PCDH17: variants seen among roughly 807,000 people sequenced by gnomAD.
PCDH17 encodes the protein protocadherin 17, also known as protocadherin-17.
A neutral mutation model predicts 67.7 loss-of-function variants in PCDH17; 21 were observed. The ratio of observed to expected loss-of-function variants is 0.31; its 90% CI spans 0.22 to 0.45. The LOEUF (loss-of-function observed/expected upper bound fraction) is 0.45. Ranked by LOEUF, PCDH17 falls within the 20% of genes least tolerant of loss-of-function variation. PCDH17 has a pLI of 1.00. For synonymous variants in PCDH17, 701 were observed against 656.7 expected (o/e 1.07, Z -1.03); for missense variants, 1,471 against 1,564.8 (o/e 0.94, Z 1.01).
chr13:57,636,163 T>G (rs1954820431), intron 1 of PCDH17, among the ~76,000 whole-genome samples: 1 of 152,220 alleles, frequency 6.6e-6, no homozygotes, highest in South Asian at 2.1e-4. Flanking sequence ...GTCTTGTTTC[T>G]TTTACCTACT....
chr13:57,668,635 A>C (rs939111043), intron 3 of PCDH17, among the ~76,000 whole-genome samples: 2 of 152,056 alleles, frequency 1.3e-5, no homozygotes, highest in Non-Finnish European at 2.9e-5. Context: ...AAGTCTAGGG[A>C]AGGTGGCTAT....
rs1283565887 is a variant in PCDH17, at chr13:57,726,024, AAAG to A, written c.*739_*741del. ...CACACGTAGACTAATTCACGTCATT[AAAG>A]AAGAAGAAAACTTAAAGATTTAAAA... On this transcript the variant is annotated 3_prime_UTR_variant, in exon 4 of 4. Transcript: ENST00000377918. The A allele has an allele frequency of 2.0e-5, 3 of 152,642 alleles. No homozygotes were observed. Among genetic ancestry groups the A allele is most frequent in the African/African-American group, 2.4e-5 (1 of 41,590 alleles). 9.5% of individuals were successfully genotyped at this position (152,642 alleles called of 1,614,324 possible).
Position 57,633,777 on chromosome 13 carries a change from C to T in PCDH17, c.1231C>T (p.Pro411Ser), listed in dbSNP as rs771872223. ...CCTGGGCGGGCCCGGGGGTTCCGTC[C>T]CCTTCAAGCTTGAGGAGAACTACGA... Reference protein sequence around the residue: ...GGLGGPGGSVPFKLEENYDNF... With the variant: ...GGLGGPGGSVSFKLEENYDNF... The change falls in exon 1 of 4, where the codon CCC becomes TCC. Residue 411 changes from proline to serine, a missense_variant. This residue lies in a region of PCDH17 where 1,163 missense variants were observed against 1,230.0 expected (regional missense o/e 0.95). Coordinates refer to ENST00000377918, the MANE Select transcript of PCDH17 (RefSeq NM_001040429.3). The surrounding 1 kb of genome is among the most constrained non-coding windows in gnomAD (Gnocchi z 6.2). 1.2e-6 allele frequency: 2 copies of T among 1,600,984 alleles called. No individual in the cohort carries two copies. The highest frequency in any genetic ancestry group is 1.7e-6 in the Non-Finnish European group (2 of 1,177,018).
intron 1 of PCDH17, among the ~76,000 whole-genome samples, chr13:57,665,506 T>C (rs983707715): frequency 1.3e-5 from 2 of 152,178 alleles, no homozygotes; most frequent in Non-Finnish European, 2.9e-5. Flanking sequence ...CTGATACTTG[T>C]GTGCTGGATA....
At position 57,697,485 on chromosome 13, in the gene PCDH17, T is replaced by C. The variant is rs138015194; in HGVS notation, c.2798-27127T>C. On this transcript the variant is annotated intron_variant, in intron 3 of 3. Coordinates refer to ENST00000377918, the MANE Select transcript of PCDH17 (RefSeq NM_001040429.3). ...ATAAGCAAAATAGGCTAAATGATGTTAAGAAGCCAACTATTTATTATATCC... is the reference window on the plus strand; with the variant it reads ...ATAAGCAAAATAGGCTAAATGATGTCAAGAAGCCAACTATTTATTATATCC... 3.6e-3 allele frequency among the ~76,000 whole-genome samples: 546 copies of C among 151,754 alleles called. 8 individuals are homozygous for C. The highest frequency in any genetic ancestry group is 0.017 in the Middle Eastern group (5 of 294).
chr13:57,641,165 T>C (rs1472831833), intron 1 of PCDH17, among the ~76,000 whole-genome samples: 1 of 151,886 alleles, frequency 6.6e-6, no homozygotes, highest in African/African-American at 2.4e-5. Context: ...TAACCTATTG[T>C]CAACCTACTT....
At chr13:57,696,117 C>T (rs1446075166) in intron 3 of PCDH17, among the ~76,000 whole-genome samples, 2 of 151,240 alleles carry the variant, frequency 1.3e-5, no homozygotes, top group East Asian at 1.9e-4. Context: ...GATAACGTAA[C>T]GGTTGTTCTT....
chr13:57,652,246 C>A (rs1248713526), intron 1 of PCDH17, among the ~76,000 whole-genome samples: 2 of 146,836 alleles, frequency 1.4e-5, no homozygotes, highest in Non-Finnish European at 3.0e-5. Context: ...CCACTGCAGT[C>A]CGCAGTCCGG....
rs1473586508 is a variant in PCDH17 at position 57,725,051 on chromosome 13, G to A, written c.3237G>A (p.Leu1079=). The change falls in exon 4 of 4, where the codon CTG becomes CTA. Residue 1079 remains leucine (L), a synonymous_variant. Coordinates refer to ENST00000377918, the MANE Select transcript of PCDH17 (RefSeq NM_001040429.3). ...SQYLPTDSQY[L]SPSKQPRDPP... ...ACTTGCCCACTGACAGTCAATATCT[G>A]TCACCTAGTAAGCAACCAAGAGACC... is the stretch of plus-strand genomic sequence containing the variant. 1.9e-6 allele frequency: 3 copies of A among 1,614,118 alleles called. No individual in the cohort carries two copies. The highest frequency in any genetic ancestry group is 2.7e-5 in the African/African-American group (2 of 75,034).
chr13:57,663,077 G>A (rs1375053863), intron 1 of PCDH17, among the ~76,000 whole-genome samples: 1 of 151,680 alleles, frequency 6.6e-6, no homozygotes, highest in Non-Finnish European at 1.5e-5. Context: ...TTGATTTTTT[G>A]TAGATTTTTA....
chr13:57,692,207 G>A (rs1955566016), intron 3 of PCDH17, among the ~76,000 whole-genome samples: 1 of 151,036 alleles, frequency 6.6e-6, no homozygotes, highest in African/African-American at 2.4e-5. Flanking sequence ...TAAATTGTCT[G>A]CAATTTTATG....
chr13:57,639,741 T>C (rs1954867846), intron 1 of PCDH17, among the ~76,000 whole-genome samples: 1 of 151,964 alleles, frequency 6.6e-6, no homozygotes, highest in Non-Finnish European at 1.5e-5. Flanking sequence ...TGTAAGTATA[T>C]GCCAAAAAAT....
intron 3 of PCDH17, among the ~76,000 whole-genome samples, chr13:57,710,178 A>G (rs1363067764): frequency 6.6e-6 from 1 of 151,908 alleles, no homozygotes; most frequent in Admixed American, 6.6e-5. Flanking sequence ...TTGTTGGTGT[A>G]GATGCAATCT....
At chr13:57,663,231 T>G (rs1047167905) in intron 1 of PCDH17, among the ~76,000 whole-genome samples, 2 of 152,128 alleles carry the variant, frequency 1.3e-5, no homozygotes, top group Admixed American at 1.3e-4. Context: ...TGTGTTCAAG[T>G]TGAGTTTGAA....
intron 1 of PCDH17, among the ~76,000 whole-genome samples, chr13:57,640,323 G>T (rs1222697615): frequency 2.6e-5 from 4 of 151,940 alleles, no homozygotes; most frequent in Admixed American, 6.6e-5. Flanking sequence ...ATTTATTGCA[G>T]TGAAATTTGG....
At chr13:57,642,326 A>C (rs1397232414) in intron 1 of PCDH17, among the ~76,000 whole-genome samples, 3 of 151,718 alleles carry the variant, frequency 2.0e-5, no homozygotes, top group Non-Finnish European at 4.4e-5. Context: ...CATGAAAATC[A>C]ATTTGAAATT....
intron 3 of PCDH17, among the ~76,000 whole-genome samples, chr13:57,684,217 C>T (rs1355567271): frequency 2.6e-5 from 4 of 151,760 alleles, no homozygotes; most frequent in Admixed American, 6.6e-5. Flanking sequence ...ACATAGAATC[C>T]TAGAGGTTAG....
At chr13:57,668,998 C>A (rs970674425) in intron 3 of PCDH17, among the ~76,000 whole-genome samples, 1 of 151,996 alleles carries the variant, frequency 6.6e-6, no homozygotes, top group Non-Finnish European at 1.5e-5. Context: ...CCGCTCCCCC[C>A]ACCCCACAAC....
chr13:57,694,443 G>T (rs1480728192), intron 3 of PCDH17, among the ~76,000 whole-genome samples: 3 of 150,988 alleles, frequency 2.0e-5, no homozygotes, highest in Non-Finnish European at 3.0e-5. Context: ...TTTTAGCCCT[G>T]TGCATTCGTG....
Sources: gnomAD v4.1 joint callset for allele counts (sites outside exome capture counted in the v4.1 genomes callset) on GRCh38, gnomAD v4.1.1 for gene constraint, gnomAD v4.1.1 regional missense constraint, Gnocchi (gnomAD v3.1) non-coding constraint, MANE v1.5 for transcripts, NCBI Gene and HGNC (gene_info 2026-07-23, HGNC 2026-07-21) for gene names.